Variants in SLC39A10 observed in about 807,000 individuals in gnomAD.
SLC39A10 encodes solute carrier family 39 member 10, also known as zinc transporter ZIP10.
Under a neutral mutation model 65.1 loss-of-function variants are expected in SLC39A10, and 13 were observed. The ratio of observed to expected loss-of-function variants is 0.20; its 90% CI spans 0.13 to 0.32. SLC39A10 has a LOEUF of 0.32. Ranked by LOEUF, SLC39A10 falls within the 10% of genes least tolerant of loss-of-function variation. The probability of loss-of-function intolerance (pLI) is 1.00; values close to 1 mark genes in which losing one functional copy is unlikely to be tolerated. For missense variants in SLC39A10, 831 were observed against 1,018.4 expected (o/e 0.82, Z 2.50); for synonymous variants, 321 against 342.2 (o/e 0.94, Z 0.68).
chr2:195,691,143 G>A (rs879348290), intron 3 of SLC39A10, among the ~76,000 whole-genome samples: 1 of 152,092 alleles, frequency 6.6e-6, no homozygotes, highest in Non-Finnish European at 1.5e-5. Context: ...TAGAATAATA[G>A]TCTCCAATTC....
intron 2 of SLC39A10, among the ~76,000 whole-genome samples, chr2:195,641,540 A>G (rs1033819082): frequency 5.3e-5 from 8 of 152,188 alleles, no homozygotes; most frequent in African/African-American, 1.9e-4. Context: ...AAAATTATTA[A>G]TGGGACTTTT....
chr2:195,626,303 C>A (rs1688473322), intron 2 of SLC39A10, among the ~76,000 whole-genome samples: 1 of 152,012 alleles, frequency 6.6e-6, no homozygotes, highest in Non-Finnish European at 1.5e-5. Context: ...TTTATTATTC[C>A]CCTACAGATA....
intron 1 of SLC39A10, among the ~76,000 whole-genome samples, chr2:195,669,496 C>T (rs1010443316): frequency 1.6e-4 from 25 of 152,124 alleles, no homozygotes; most frequent in African/African-American, 6.0e-4. Context: ...TTTTTAAAAT[C>T]TCAAACATTC....
At chr2:195,630,140 T>G (rs1489378638) in intron 2 of SLC39A10, among the ~76,000 whole-genome samples, 7 of 145,644 alleles carry the variant, frequency 4.8e-5, no homozygotes, top group East Asian at 2.0e-4. Flanking sequence ...TGTGTATGGT[T>G]TGGGTTTTTT....
chr2:195,701,429 G>T (rs1691181798), intron 3 of SLC39A10, among the ~76,000 whole-genome samples: 14 of 19,956 alleles, frequency 7.0e-4, no homozygotes, highest in African/African-American at 1.1e-3. Flanking sequence ...GACAGTTTCT[G>T]TGATTCTTTT....
At chr2:195,692,237 G>A (rs1690774404) in intron 3 of SLC39A10, among the ~76,000 whole-genome samples, 7 of 152,136 alleles carry the variant, frequency 4.6e-5, no homozygotes, top group Admixed American at 4.6e-4. Context: ...ATGCTGTTTT[G>A]GTGGCTATGG....
At chr2:195,723,699 T>C (rs1481631526) in intron 8 of SLC39A10, among the ~76,000 whole-genome samples, 4 of 152,152 alleles carry the variant, frequency 2.6e-5, no homozygotes, top group Admixed American at 6.6e-5. Context: ...AACATTCTTC[T>C]TGATGTTGAG....
At chr2:195,717,042 ATG>A in intron 7 of SLC39A10, 37 bp downstream of exon 7, 1 of 1,587,970 alleles carries the variant, frequency 6.3e-7, no homozygotes, top group Non-Finnish European at 8.6e-7. Context: ...TGCTAATCTT[ATG>A]GACTATAATA....
intron 9 of SLC39A10, among the ~76,000 whole-genome samples, chr2:195,732,028 CAT>C (rs1301563535): frequency 6.6e-6 from 1 of 152,146 alleles, no homozygotes; most frequent in Admixed American, 6.5e-5. Context: ...AAACTGTCCA[CAT>C]ATATTTTGTG....
At chr2:195,683,615 GT>G in intron 2 of SLC39A10, 83 bp from the exon 3 acceptor site, 1 of 987,246 alleles carries the variant, frequency 1.0e-6, no homozygotes, top group Non-Finnish European at 1.5e-6. Context: ...AATATTTAGA[GT>G]ATTTCTTAGG....
At chr2:195,657,367 T>G (rs1689185942) in intron 1 of SLC39A10, 86 bp downstream of exon 1, 4 of 978,350 alleles carry the variant, frequency 4.1e-6, no homozygotes, top group Non-Finnish European at 3.6e-6. Flanking sequence ...CGGGACGGCG[T>G]GGGGGTAGAA....
In SLC39A10 at chr2:195,708,875, C is replaced by A. The variant is rs761323717; in HGVS notation, c.1575+31C>A. ...TATTTTTTATTTATTTAATTTTATACCATAAAACTCAAAACAAAAATTATC... is the reference window on the plus strand; with the variant it reads ...TATTTTTTATTTATTTAATTTTATAACATAAAACTCAAAACAAAAATTATC... On this transcript the variant is annotated intron_variant, in intron 5 of 9. Coordinates refer to ENST00000359634, the MANE Select transcript of SLC39A10 (RefSeq NM_020342.3). 62 of 1,491,058 alleles carry A rather than the reference C, an allele frequency of 4.2e-5. No homozygotes were observed. The African/African-American group carries it at 7.9e-4, about 19-fold the overall frequency. 92.4% of individuals were successfully genotyped at this position (1,491,058 alleles called of 1,614,324 possible).
intron 3 of SLC39A10, among the ~76,000 whole-genome samples, chr2:195,685,883 A>T (rs1297069859): frequency 6.6e-6 from 1 of 152,256 alleles, no homozygotes; most frequent in Non-Finnish European, 1.5e-5. Flanking sequence ...GCGTTCAGTT[A>T]TAATCCAGGA....
intron 1 of SLC39A10, among the ~76,000 whole-genome samples, chr2:195,660,161 AAACTTAACCATT>A (rs1461019178): frequency 6.6e-6 from 1 of 152,224 alleles, no homozygotes. Flanking sequence ...GAGTGAATCA[AAACTTAACCATT>A]ATGGTTAGGC....
At chr2:195,656,188 A>G (rs1277474815), upstream of SLC39A10, among the ~76,000 whole-genome samples, 5 of 152,208 alleles carry the variant, frequency 3.3e-5, no homozygotes, top group African/African-American at 7.2e-5. Context: ...TTGGATATAG[A>G]AACACAGGCA....
At chr2:195,713,589 C>CT (rs761635413) in intron 6 of SLC39A10, 36 bp downstream of exon 6, 58,691 of 1,090,502 alleles carry the variant, frequency 0.054, 26 homozygotes, top group South Asian at 0.062. Flanking sequence ...AAACTTTTTT[C>CT]TTTTTTTTTT....
Position 195,680,948 on chromosome 2 carries a change from A to G in SLC39A10, c.906A>G (p.Glu302=), listed in dbSNP as rs963446200. The G allele has an allele frequency of 1.9e-6, 3 of 1,614,136 alleles. No homozygotes were observed. Among genetic ancestry groups the G allele is most frequent in the Non-Finnish European group, 2.5e-6 (3 of 1,180,016 alleles). ...RGHQDLDPDN[E]GELRHTRKRE... ...ACCAAGATCTTGATCCTGATAATGA[A>G]GGTGAACTTCGACATACTAGAAAGA... The change falls in exon 2 of 10, where the codon GAA becomes GAG. Residue 302 remains glutamate, a synonymous_variant. Transcript: ENST00000359634.
chr2:195,734,207 G>A (rs1692514611), intron 9 of SLC39A10, among the ~76,000 whole-genome samples: 1 of 138,098 alleles, frequency 7.2e-6, no homozygotes, highest in African/African-American at 2.7e-5. Flanking sequence ...GTTTTGCTCT[G>A]TTGCCCAGGC....
chr2:195,623,960 G>A (rs1034038222), intron 2 of SLC39A10, among the ~76,000 whole-genome samples: 7 of 150,412 alleles, frequency 4.7e-5, no homozygotes, highest in Non-Finnish European at 8.9e-5. Context: ...TATGCAGGTT[G>A]GGAAAAATTA....
Sources: allele counts gnomAD v4.1 joint callset (sites outside exome capture counted in the v4.1 genomes callset), GRCh38; gene constraint gnomAD v4.1.1; transcripts MANE v1.5; gene names NCBI Gene and HGNC (gene_info 2026-07-23, HGNC 2026-07-21).